IFRD1: variants seen among roughly 807,000 people sequenced by gnomAD.
IFRD1 encodes the protein interferon-related developmental regulator 1.
Under a neutral mutation model 52.9 loss-of-function variants are expected in IFRD1, and 35 were observed. The ratio of observed to expected loss-of-function variants is 0.66; its 90% CI spans 0.51 to 0.88. The LOEUF is 0.88. IFRD1 is among the 40% of genes least tolerant of loss of function. The pLI is 0.00. For missense variants in IFRD1, 517 were observed against 550.8 expected, an observed-to-expected ratio of 0.94 and a Z score of 0.61; for synonymous variants, 184 against 188.4, an observed-to-expected ratio of 0.98 and a Z score of 0.19.
intron 1 of IFRD1, among the ~76,000 whole-genome samples, chr7:112,441,613 C>T (rs1794891881): frequency 6.6e-6 from 1 of 152,156 alleles, no homozygotes; most frequent in South Asian, 2.1e-4. Flanking sequence ...TGCAAACTGT[C>T]TTTCTTGTTT....
At chr7:112,430,348 C>T (rs1229880444) in intron 1 of IFRD1, among the ~76,000 whole-genome samples, 1 of 152,168 alleles carries the variant, frequency 6.6e-6, no homozygotes, top group Non-Finnish European at 1.5e-5. Context: ...GGGAATACAG[C>T]AGATAGGGAA....
At chr7:112,448,362 T>A (rs149754916), upstream of IFRD1, among the ~76,000 whole-genome samples, 94 of 152,348 alleles carry the variant, frequency 6.2e-4, no homozygotes, top group African/African-American at 2.2e-3. Flanking sequence ...AAAGCACACG[T>A]TTCCAGGGCT....
At chr7:112,470,902 A>C (rs897594497) in intron 9 of IFRD1, among the ~76,000 whole-genome samples, 1 of 152,200 alleles carries the variant, frequency 6.6e-6, no homozygotes, top group South Asian at 2.1e-4. Context: ...TTTTCAGTCC[A>C]TGGTTGGTTG....
intron 1 of IFRD1, chr7:112,451,960 C>G (rs570371131): frequency 1.0e-6 from 1 of 973,188 alleles, no homozygotes; most frequent in Admixed American, 6.2e-5. Flanking sequence ...TTTAAAAAAG[C>G]TCAAAAACTC....
intron 1 of IFRD1, among the ~76,000 whole-genome samples, chr7:112,440,971 A>C (rs1019395109): frequency 6.6e-6 from 1 of 152,142 alleles, no homozygotes; most frequent in East Asian, 1.9e-4. Flanking sequence ...CCCCGTCTCT[A>C]CAAAAAATAC....
At chr7:112,465,957 T>A (rs1468457) in intron 8 of IFRD1, among the ~76,000 whole-genome samples, 85,293 of 152,000 alleles carry the variant, frequency 0.56, 24,631 homozygotes, top group African/African-American at 0.6. Flanking sequence ...GTTGGGTATT[T>A]TCTTTTTTTT....
At chr7:112,436,074 G>A (rs547046299) in intron 1 of IFRD1, among the ~76,000 whole-genome samples, 43 of 151,808 alleles carry the variant, frequency 2.8e-4, no homozygotes, top group South Asian at 1.0e-3. Flanking sequence ...GTAGGGATGG[G>A]ATTTCACCAT....
intron 1 of IFRD1, among the ~76,000 whole-genome samples, chr7:112,439,933 A>T (rs919226406): frequency 6.6e-6 from 1 of 152,212 alleles, no homozygotes; most frequent in South Asian, 2.1e-4. Flanking sequence ...GCAAGAGAGT[A>T]AGATGGATCT....
intron 3 of IFRD1, 107 bp from the exon 4 acceptor site, chr7:112,456,807 T>TA (rs1795303991): frequency 9.5e-7 from 1 of 1,053,708 alleles, no homozygotes. Flanking sequence ...GAATTAGATT[T>TA]AAAAAATCTA....
At chr7:112,461,382 C>T (rs1016402764) in intron 5 of IFRD1, 11 of 152,576 alleles carry the variant, frequency 7.2e-5, no homozygotes, top group African/African-American at 2.7e-4. Context: ...TTCTTTAGCT[C>T]ATATGTCTAA....
At chr7:112,426,921 G>A (rs1389475344) in intron 1 of IFRD1, among the ~76,000 whole-genome samples, 1 of 152,176 alleles carries the variant, frequency 6.6e-6, no homozygotes, top group Non-Finnish European at 1.5e-5. Flanking sequence ...CCTCTGAGTT[G>A]TCAGGCCTTT....
intron 2 of IFRD1, 61 bp from the exon 3 acceptor site, chr7:112,455,941 T>C: frequency 7.0e-7 from 1 of 1,437,550 alleles, no homozygotes; most frequent in Non-Finnish European, 9.8e-7. Flanking sequence ...AGCTAAAGTA[T>C]ACTATTATTC....
intron 9 of IFRD1, 89 bp downstream of exon 9, chr7:112,468,204 A>C: frequency 5.9e-6 from 8 of 1,365,638 alleles, no homozygotes; most frequent in Non-Finnish European, 8.3e-6. Context: ...TTGTTGATTG[A>C]ATTTCACCTT....
chr7:112,442,122 T>C (rs925220418), intron 1 of IFRD1, among the ~76,000 whole-genome samples: 62 of 152,346 alleles, frequency 4.1e-4, no homozygotes, highest in African/African-American at 1.3e-3. Flanking sequence ...TCTGTCTGTC[T>C]GGATCTAAAA....
At position 112,455,772 on chromosome 7, in the gene IFRD1, A is replaced by T; in HGVS notation, c.104A>T (p.His35Leu). The part of the protein sequence containing the change: ...AATAATAGGQ[H>L]RNVQPFSDED... ...CTCTTTTACCTAATAGGTGGCCAGC[A>T]TCGAAATGTTCAGCCTTTTAGTGAT... The change falls in exon 2 of 12, where the codon CAT becomes CTT. Residue 35 changes from histidine to leucine, a missense_variant. Physicochemically the swap from His to Leu is moderately conservative, Grantham distance 99 (BLOSUM62 -3). Transcript: ENST00000403825. The T allele has an allele frequency of 6.2e-7, 1 of 1,608,138 alleles. No individual in the cohort carries two copies. Among genetic ancestry groups the T allele is most frequent in the Non-Finnish European group, 8.5e-7 (1 of 1,174,620 alleles).
chr7:112,471,595 T>C (rs1334485844), intron 9 of IFRD1, among the ~76,000 whole-genome samples: 5 of 152,188 alleles, frequency 3.3e-5, no homozygotes, highest in Non-Finnish European at 5.9e-5. Flanking sequence ...TTTTAATCCA[T>C]CTGACTTCTG....
At chr7:112,456,506 A>G (rs1795294731) in intron 3 of IFRD1, among the ~76,000 whole-genome samples, 1 of 152,190 alleles carries the variant, frequency 6.6e-6, no homozygotes, top group Admixed American at 6.5e-5. Context: ...TCTTTTCACT[A>G]TAGCTTCAGA....
chr7:112,443,598 G>T (rs1364164282), intron 1 of IFRD1, among the ~76,000 whole-genome samples: 1 of 151,954 alleles, frequency 6.6e-6, no homozygotes, highest in Non-Finnish European at 1.5e-5. Flanking sequence ...ACGGCCGAGT[G>T]TGGTGGCTCA....
rs2253962 is a variant in IFRD1, at chr7:112,462,300, T to C, written c.828T>C (p.Ser276=). The change falls in exon 8 of 12, where the codon TCT becomes TCC. Residue 276 remains serine, a synonymous_variant. Coordinates refer to ENST00000403825, the MANE Select transcript of IFRD1 (RefSeq NM_001550.4). ...TCCATAAGCTTCCAAGCCTCCTCTC[T>C]TGTGATGATGTAAACATGAGAATAG... The part of the protein sequence containing the change: ...MHFHKLPSLL[S]CDDVNMRIAA... 6 of 1,613,254 alleles carry C rather than the reference T, an allele frequency of 3.7e-6. No homozygotes were observed. The highest frequency in any genetic ancestry group is 5.1e-6 in the Non-Finnish European group (6 of 1,179,528).
Sources: gnomAD v4.1 joint callset for allele counts (sites outside exome capture counted in the v4.1 genomes callset) on GRCh38, gnomAD v4.1.1 for gene constraint, MANE v1.5 for transcripts, NCBI Gene and HGNC (gene_info 2026-07-23, HGNC 2026-07-21) for gene names.